The following FSTL4 variants were observed in gnomAD, a reference collection of about 807,000 sequenced individuals.
The protein encoded by FSTL4 is follistatin like 4, also known as follistatin-related protein 4.
A neutral mutation model predicts 78.2 loss-of-function variants in FSTL4; 28 were observed. That is an observed-to-expected ratio of 0.36 (90% CI 0.27 to 0.49). The LOEUF (loss-of-function observed/expected upper bound fraction) is 0.49, where lower values mean the gene tolerates loss of function less well. FSTL4 is among the 20% of genes least tolerant of loss of function. The pLI is 0.98. For missense variants in FSTL4, 922 were observed against 1,084.9 expected, an observed-to-expected ratio of 0.85 and a Z score of 2.11; for synonymous variants, 422 against 440.5, an observed-to-expected ratio of 0.96 and a Z score of 0.53.
the FSTL4 span, among the ~76,000 whole-genome samples, chr5:133,799,379 T>C: frequency 7.3e-6 from 1 of 137,740 alleles, no homozygotes; most frequent in African/African-American, 2.7e-5. Context: ...ACTTATGAGG[T>C]CACTAAAGCA....
intron 4 of FSTL4, among the ~76,000 whole-genome samples, chr5:133,365,667 C>T (rs189121651): frequency 8.3e-4 from 126 of 152,376 alleles, no homozygotes; most frequent in African/African-American, 2.9e-3. Flanking sequence ...TCCGAGCTGA[C>T]GCTCCCTGTG....
intron 3 of FSTL4, among the ~76,000 whole-genome samples, chr5:133,451,166 G>T (rs1000762297): frequency 6.6e-6 from 1 of 152,110 alleles, no homozygotes; most frequent in African/African-American, 2.4e-5. Flanking sequence ...AGGCAGGCAG[G>T]GTCTGCACAC....
chr5:133,512,388 A>G (rs939311794), intron 3 of FSTL4, among the ~76,000 whole-genome samples: 6 of 152,246 alleles, frequency 3.9e-5, no homozygotes, highest in African/African-American at 1.4e-4. Context: ...ATGATCTGTG[A>G]TCTTACTTAG....
intron 3 of FSTL4, among the ~76,000 whole-genome samples, chr5:133,467,824 GC>G (rs1200937581): frequency 5.9e-5 from 9 of 152,182 alleles, no homozygotes; most frequent in Non-Finnish European, 1.2e-4. Flanking sequence ...GACACTGCTG[GC>G]TGTGAACTAA....
At chr5:133,369,999 G>C (rs1310123432) in intron 4 of FSTL4, among the ~76,000 whole-genome samples, 1 of 152,108 alleles carries the variant, frequency 6.6e-6, no homozygotes, top group Non-Finnish European at 1.5e-5. Context: ...ATCTAGCAGG[G>C]CTGCCCTCCA....
At chr5:133,578,751 C>G (rs1257878721) in intron 2 of FSTL4, among the ~76,000 whole-genome samples, 1 of 152,016 alleles carries the variant, frequency 6.6e-6, no homozygotes, top group Admixed American at 6.5e-5. Context: ...GTAGCAAATC[C>G]ACCAATATGA....
chr5:133,382,173 C>A, intron 4 of FSTL4, among the ~76,000 whole-genome samples: 1 of 152,176 alleles, frequency 6.6e-6, no homozygotes, highest in Non-Finnish European at 1.5e-5. Context: ...GCCTCTCCTG[C>A]CAAACCCTCC....
At chr5:133,645,593 T>C in the FSTL4 span, among the ~76,000 whole-genome samples, 2 of 152,084 alleles carry the variant, frequency 1.3e-5, no homozygotes, top group Non-Finnish European at 2.9e-5. Flanking sequence ...CATGTCCTCA[T>C]CCCCAGAACC....
At chr5:133,589,275 T>G in intron 2 of FSTL4, among the ~76,000 whole-genome samples, 1 of 36,576 alleles carries the variant, frequency 2.7e-5, no homozygotes, top group South Asian at 1.5e-3. Flanking sequence ...ACCCTAAAAC[T>G]TAGAGTATAA....
the FSTL4 span, among the ~76,000 whole-genome samples, chr5:133,701,320 T>C: frequency 6.7e-6 from 1 of 149,620 alleles, no homozygotes; most frequent in Non-Finnish European, 1.5e-5. Flanking sequence ...GGAGAATCAC[T>C]TGAACCCAGG....
chr5:133,729,333 T>C, the FSTL4 span, among the ~76,000 whole-genome samples: 1 of 152,090 alleles, frequency 6.6e-6, no homozygotes, highest in East Asian at 1.9e-4. Context: ...AATCCTGGCT[T>C]GACCAATGCA....
chr5:133,418,345 T>C (rs1756622461), intron 3 of FSTL4, among the ~76,000 whole-genome samples: 1 of 151,864 alleles, frequency 6.6e-6, no homozygotes, highest in South Asian at 2.1e-4. Context: ...TTTGACAAAT[T>C]AGATAAAATG....
chr5:133,764,850 TTAAGA>T, the FSTL4 span, among the ~76,000 whole-genome samples: 1 of 151,976 alleles, frequency 6.6e-6, no homozygotes, highest in Non-Finnish European at 1.5e-5. Context: ...GGTGAGCCTC[TTAAGA>T]TAAAAGAGTA....
chr5:133,659,798 C>G, the FSTL4 span, among the ~76,000 whole-genome samples: 3 of 151,894 alleles, frequency 2.0e-5, no homozygotes, highest in Non-Finnish European at 4.4e-5. Flanking sequence ...CTATCAAGAA[C>G]TGTTTCCCCC....
At chr5:133,293,980 G>C (rs78738695) in intron 6 of FSTL4, among the ~76,000 whole-genome samples, 3,059 of 152,142 alleles carry the variant, frequency 0.02, 106 homozygotes, top group African/African-American at 0.071. Flanking sequence ...CATATTAGAT[G>C]GTCTGGAGCC....
intron 4 of FSTL4, among the ~76,000 whole-genome samples, chr5:133,343,958 A>G (rs1754643351): frequency 1.3e-5 from 2 of 152,264 alleles, no homozygotes; most frequent in Non-Finnish European, 2.9e-5. Context: ...CCAGATATAT[A>G]CACACATATT....
At chr5:133,798,526 A>G in the FSTL4 span, among the ~76,000 whole-genome samples, 1 of 152,086 alleles carries the variant, frequency 6.6e-6, no homozygotes, top group South Asian at 2.1e-4. Context: ...ACTTAAAAAA[A>G]AAAAAGACAC....
intron 3 of FSTL4, among the ~76,000 whole-genome samples, chr5:133,489,787 T>C (rs1017464679): frequency 1.3e-5 from 2 of 152,108 alleles, no homozygotes; most frequent in African/African-American, 4.8e-5. Context: ...CCCTAGGTGG[T>C]GACAAAAGAC....
intron 4 of FSTL4, among the ~76,000 whole-genome samples, chr5:133,349,295 C>CTCTCTGTGTGTGTGTGTGTGTG (rs11269337): frequency 3.6e-5 from 5 of 139,680 alleles, no homozygotes; most frequent in South Asian, 2.5e-4. Flanking sequence ...GCCTCTCTCT[C>CTCTCTGTGTGTGTGTGTGTGTG]TGTGTGTGTG....
Sources: gnomAD v4.1 joint callset for allele counts (sites outside exome capture counted in the v4.1 genomes callset) on GRCh38, gnomAD v4.1.1 for gene constraint, MANE v1.5 for transcripts, NCBI Gene and HGNC (gene_info 2026-07-23, HGNC 2026-07-21) for gene names.